Variants in NAALADL2 observed in about 807,000 individuals in gnomAD.
NAALADL2 encodes N-acetylated alpha-linked acidic dipeptidase like 2, also known as inactive N-acetylated-alpha-linked acidic dipeptidase-like protein 2.
In NAALADL2, 76 loss-of-function variants were observed where a neutral mutation model predicts 87.2. The ratio of observed to expected loss-of-function variants is 0.87; its 90% CI spans 0.72 to 1.05. The LOEUF is 1.05. Ranked by LOEUF, NAALADL2 falls within the 50% of genes least tolerant of loss-of-function variation. The probability of loss-of-function intolerance (pLI) is 0.00; values close to 1 mark genes in which losing one functional copy is unlikely to be tolerated. For synonymous variants in NAALADL2, 354 were observed against 331.0 expected, an observed-to-expected ratio of 1.07 and a Z score of -0.75; for missense variants, 1,089 against 945.8, an observed-to-expected ratio of 1.15 and a Z score of -1.99.
At chr3:174,767,176 T>A in intron 3 of NAALADL2, among the ~76,000 whole-genome samples, 1 of 152,188 alleles carries the variant, frequency 6.6e-6, no homozygotes, top group Admixed American at 6.5e-5. Flanking sequence ...ACTGAGCACT[T>A]CAGTGGTTAC....
rs1729348121 is a variant in NAALADL2, at chr3:175,641,952, A to G, written c.1896+14566A>G. On this transcript the variant is annotated intron_variant, in intron 11 of 13. Coordinates refer to ENST00000454872, the MANE Select transcript of NAALADL2 (RefSeq NM_207015.3). ...TGCTATAATTTTTTAGTGAAAAATG[A>G]ATCATGTGCACAAAAGAAAGTATAC... Among the ~76,000 whole-genome samples the G allele has an allele frequency of 2.0e-5, 3 of 152,332 alleles. No homozygotes were observed. The South Asian group carries it at 6.2e-4, about 32-fold the overall frequency.
chr3:174,839,169 G>A (rs777713699), intron 3 of NAALADL2, among the ~76,000 whole-genome samples: 1 of 152,138 alleles, frequency 6.6e-6, no homozygotes, highest in African/African-American at 2.4e-5. Flanking sequence ...GGACAGCATA[G>A]ATAACCCAGA....
chr3:174,945,963 T>A (rs113852725), intron 1 of NAALADL2, among the ~76,000 whole-genome samples: 6,132 of 146,662 alleles, frequency 0.042, 424 homozygotes, highest in African/African-American at 0.15. Flanking sequence ...GGAGAATCAC[T>A]TGAACCCAGG....
intron 1 of NAALADL2, among the ~76,000 whole-genome samples, chr3:174,998,340 A>G (rs1747806811): frequency 6.6e-6 from 1 of 152,194 alleles, no homozygotes; most frequent in South Asian, 2.1e-4. Flanking sequence ...ATCTGGTTTT[A>G]TTGTAAGCCT....
intron 1 of NAALADL2, among the ~76,000 whole-genome samples, chr3:175,061,950 A>C (rs1713581846): frequency 6.6e-6 from 1 of 152,102 alleles, no homozygotes; most frequent in South Asian, 2.1e-4. Context: ...GAACTCATAC[A>C]TTATGGTAGC....
intron 2 of NAALADL2, among the ~76,000 whole-genome samples, chr3:175,166,560 A>T (rs1734031637): frequency 7.4e-6 from 1 of 135,212 alleles, no homozygotes; most frequent in Non-Finnish European, 1.6e-5. Flanking sequence ...CTTGCAAAAC[A>T]CCACACATTT....
At chr3:174,803,747 TTTTGTCAGG>T (rs1333271038) in intron 3 of NAALADL2, among the ~76,000 whole-genome samples, 2 of 152,192 alleles carry the variant, frequency 1.3e-5, no homozygotes, top group African/African-American at 4.8e-5. Context: ...CATTGCTTGT[TTTTGTCAGG>T]TTTGTCAAAG....
At chr3:174,875,706 C>T (rs879358257) in intron 1 of NAALADL2, among the ~76,000 whole-genome samples, 2 of 151,966 alleles carry the variant, frequency 1.3e-5, no homozygotes, top group Non-Finnish European at 2.9e-5. Context: ...ACTAAAATAA[C>T]TAAAATCTGT....
intron 5 of NAALADL2, among the ~76,000 whole-genome samples, chr3:175,384,770 T>A (rs1280108258): frequency 1.3e-5 from 2 of 150,128 alleles, no homozygotes; most frequent in Admixed American, 7.1e-5. Context: ...TTATTTATTT[T>A]TATTTTATTT....
chr3:175,222,751 T>C (rs528539837), intron 2 of NAALADL2, among the ~76,000 whole-genome samples: 1 of 152,176 alleles, frequency 6.6e-6, no homozygotes, highest in Non-Finnish European at 1.5e-5. Flanking sequence ...AAACAAATTA[T>C]AAAAAGATAT....
chr3:174,926,205 A>G (rs1346821029), intron 1 of NAALADL2, among the ~76,000 whole-genome samples: 4 of 152,248 alleles, frequency 2.6e-5, no homozygotes, highest in African/African-American at 9.6e-5. Flanking sequence ...ATATGGGACT[A>G]TGTGAAAAGA....
intron 4 of NAALADL2, among the ~76,000 whole-genome samples, chr3:175,307,516 A>G (rs1226268835): frequency 6.6e-6 from 1 of 152,200 alleles, no homozygotes; most frequent in Non-Finnish European, 1.5e-5. Context: ...ATCAGCTGTG[A>G]ACATTTGAAA....
chr3:175,361,675 G>A (rs1765027714), intron 5 of NAALADL2, among the ~76,000 whole-genome samples: 1 of 148,474 alleles, frequency 6.7e-6, no homozygotes, highest in Non-Finnish European at 1.5e-5. Context: ...CTTTTGAGAA[G>A]TGTCTGTTCA....
chr3:175,381,173 C>G (rs895545186), intron 5 of NAALADL2, among the ~76,000 whole-genome samples: 1 of 151,684 alleles, frequency 6.6e-6, no homozygotes, highest in Non-Finnish European at 1.5e-5. Context: ...AAACTTTCTA[C>G]AGTTATTATG....
At chr3:175,341,381 C>T (rs915883560) in intron 5 of NAALADL2, among the ~76,000 whole-genome samples, 1 of 152,084 alleles carries the variant, frequency 6.6e-6, no homozygotes, top group Non-Finnish European at 1.5e-5. Context: ...TGATACACCA[C>T]GTATTGTTTA....
chr3:174,941,217 C>T (rs535360430), intron 1 of NAALADL2, among the ~76,000 whole-genome samples: 1 of 152,166 alleles, frequency 6.6e-6, no homozygotes, highest in Admixed American at 6.6e-5. Flanking sequence ...TTCTCATTAG[C>T]ATCAAAGAAC....
chr3:174,969,833 A>C (rs1285232718), intron 1 of NAALADL2, among the ~76,000 whole-genome samples: 2 of 152,206 alleles, frequency 1.3e-5, no homozygotes, highest in Non-Finnish European at 2.9e-5. Context: ...AATCAGTAGC[A>C]GAAGACAGAA....
intron 1 of NAALADL2, among the ~76,000 whole-genome samples, chr3:174,919,752 T>C (rs1246885742): frequency 6.6e-6 from 1 of 152,238 alleles, no homozygotes; most frequent in Non-Finnish European, 1.5e-5. Flanking sequence ...TTCAATTTAC[T>C]TCTTCCAGAT....
intron 2 of NAALADL2, among the ~76,000 whole-genome samples, chr3:175,192,206 G>GA (rs1359300357): frequency 6.6e-6 from 1 of 151,880 alleles, no homozygotes; most frequent in Non-Finnish European, 1.5e-5. Flanking sequence ...AATTTTAGAG[G>GA]AAAAATCTCA....
Sources: gnomAD v4.1 joint callset for allele counts (sites outside exome capture counted in the v4.1 genomes callset) on GRCh38, gnomAD v4.1.1 for gene constraint, MANE v1.5 for transcripts, NCBI Gene and HGNC (gene_info 2026-07-23, HGNC 2026-07-21) for gene names.